MACROD2: variants seen among roughly 807,000 people sequenced by gnomAD.
MACROD2 encodes the protein mono-ADP ribosylhydrolase 2, also known as ADP-ribose glycohydrolase MACROD2.
A neutral mutation model predicts 70.4 loss-of-function variants in MACROD2; 36 were observed. That is an observed-to-expected ratio of 0.51 (90% confidence interval 0.39 to 0.68). The LOEUF is 0.68. MACROD2 is among the 30% of genes least tolerant of loss of function. MACROD2 has a pLI of 0.00. For synonymous variants in MACROD2, 172 were observed against 178.8 expected, an observed-to-expected ratio of 0.96 and a Z score of 0.30; for missense variants, 496 against 538.4, an observed-to-expected ratio of 0.92 and a Z score of 0.78.
chr20:15,633,951 C>A (rs913688534), intron 8 of MACROD2, among the ~76,000 whole-genome samples: 2 of 152,098 alleles, frequency 1.3e-5, no homozygotes, highest in Non-Finnish European at 2.9e-5. Flanking sequence ...TTTTTAAACT[C>A]AAAAGTTTCA....
intron 8 of MACROD2, among the ~76,000 whole-genome samples, chr20:15,851,163 G>A (rs917827711): frequency 5.3e-5 from 8 of 151,836 alleles, no homozygotes; most frequent in African/African-American, 1.7e-4. Flanking sequence ...GAAGTTTATC[G>A]GATTATGTTC....
chr20:15,826,362 C>G (rs1255623662), intron 8 of MACROD2, among the ~76,000 whole-genome samples: 5 of 152,140 alleles, frequency 3.3e-5, no homozygotes, highest in African/African-American at 7.2e-5. Flanking sequence ...TTACTGAAAA[C>G]ATACTATGTG....
At chr20:15,892,329 A>T (rs1196761435) in intron 10 of MACROD2, among the ~76,000 whole-genome samples, 1 of 152,212 alleles carries the variant, frequency 6.6e-6, no homozygotes, top group Non-Finnish European at 1.5e-5. Flanking sequence ...AAACTCGGAG[A>T]TGCTTTCCTG....
At chr20:15,697,094 G>T (rs2050387808) in intron 8 of MACROD2, among the ~76,000 whole-genome samples, 1 of 151,972 alleles carries the variant, frequency 6.6e-6, no homozygotes. Context: ...TCGTCTGCGG[G>T]TTTGGGTTTG....
At chr20:14,646,555 A>C (rs1333131136) in intron 4 of MACROD2, among the ~76,000 whole-genome samples, 2 of 152,088 alleles carry the variant, frequency 1.3e-5, no homozygotes, top group Non-Finnish European at 2.9e-5. Context: ...TTCATCATAA[A>C]AGCTGTAATG....
At chr20:14,906,896 T>C (rs1389918260) in intron 5 of MACROD2, among the ~76,000 whole-genome samples, 1 of 152,166 alleles carries the variant, frequency 6.6e-6, no homozygotes, top group Admixed American at 6.5e-5. Flanking sequence ...GGTAAAGAAA[T>C]AGATTAACAT....
At chr20:15,625,694 A>G (rs1176808342) in intron 8 of MACROD2, among the ~76,000 whole-genome samples, 2 of 152,140 alleles carry the variant, frequency 1.3e-5, no homozygotes, top group Non-Finnish European at 2.9e-5. Flanking sequence ...TTGAACTCCA[A>G]CAAAGACTTT....
intron 3 of MACROD2, among the ~76,000 whole-genome samples, chr20:14,364,866 A>C (rs2083257595): frequency 1.3e-5 from 2 of 152,134 alleles, no homozygotes; most frequent in Admixed American, 1.3e-4. Context: ...CTGCTGCTGG[A>C]CACTTTGGTA....
intron 4 of MACROD2, among the ~76,000 whole-genome samples, chr20:14,620,333 C>T (rs1302673368): frequency 6.6e-6 from 1 of 151,916 alleles, no homozygotes; most frequent in African/African-American, 2.4e-5. Context: ...TAGATTGCTC[C>T]CACCAACCTA....
At chr20:14,511,354 C>T (rs1248561620) in intron 4 of MACROD2, among the ~76,000 whole-genome samples, 2 of 152,028 alleles carry the variant, frequency 1.3e-5, no homozygotes, top group Admixed American at 1.3e-4. Context: ...TTTCACATTG[C>T]ATGTCTATAT....
chr20:14,435,092 C>G (rs2084041266), intron 3 of MACROD2, among the ~76,000 whole-genome samples: 1 of 152,164 alleles, frequency 6.6e-6, no homozygotes, highest in Non-Finnish European at 1.5e-5. Flanking sequence ...GGCCAGAAGT[C>G]TGAACTGAAG....
intron 5 of MACROD2, among the ~76,000 whole-genome samples, chr20:14,987,497 C>T (rs1040685613): frequency 3.9e-5 from 6 of 152,082 alleles, no homozygotes; most frequent in African/African-American, 1.4e-4. Flanking sequence ...GTTTAATGTA[C>T]AGTATTTTAA....
chr20:15,366,133 C>T (rs2045405714), intron 6 of MACROD2, among the ~76,000 whole-genome samples: 1 of 152,210 alleles, frequency 6.6e-6, no homozygotes, highest in Non-Finnish European at 1.5e-5. Flanking sequence ...ATCTCTGGAA[C>T]AGAGTATTCA....
intron 3 of MACROD2, among the ~76,000 whole-genome samples, chr20:14,209,552 A>G (rs2081554176): frequency 6.6e-6 from 1 of 152,242 alleles, no homozygotes; most frequent in Non-Finnish European, 1.5e-5. Flanking sequence ...ACTTCAAAAT[A>G]TAAAATGGCT....
chr20:14,054,930 T>C (rs1245658642), intron 2 of MACROD2, among the ~76,000 whole-genome samples: 1 of 152,206 alleles, frequency 6.6e-6, no homozygotes, highest in Non-Finnish European at 1.5e-5. Context: ...CTCTATGATA[T>C]AATTATTTAT....
At chr20:15,392,970 T>A (rs540393445) in intron 6 of MACROD2, among the ~76,000 whole-genome samples, 1 of 152,204 alleles carries the variant, frequency 6.6e-6, no homozygotes, top group South Asian at 2.1e-4. Context: ...CTAAGAGGGT[T>A]TGAGAAGCAT....
intron 6 of MACROD2, among the ~76,000 whole-genome samples, chr20:15,329,647 C>A (rs868310636): frequency 9.9e-5 from 15 of 152,006 alleles, no homozygotes; most frequent in African/African-American, 3.6e-4. Flanking sequence ...AAAACAAAAT[C>A]TTGAAGTGAA....
intron 9 of MACROD2, among the ~76,000 whole-genome samples, chr20:15,870,086 T>C (rs2064558757): frequency 6.6e-6 from 1 of 152,104 alleles, no homozygotes; most frequent in Non-Finnish European, 1.5e-5. Context: ...CACGTTTCAC[T>C]TATTTTGACC....
intron 3 of MACROD2, among the ~76,000 whole-genome samples, chr20:14,090,111 T>C (rs2054127601): frequency 6.6e-6 from 1 of 152,210 alleles, no homozygotes; most frequent in African/African-American, 2.4e-5. Flanking sequence ...TATTGTTACA[T>C]TACTGTTGTC....
Sources: allele counts gnomAD v4.1 joint callset (sites outside exome capture counted in the v4.1 genomes callset), GRCh38; gene constraint gnomAD v4.1.1; transcripts MANE v1.5; gene names NCBI Gene and HGNC (gene_info 2026-07-23, HGNC 2026-07-21).